PRKAR1B: variants seen among roughly 807,000 people sequenced by gnomAD.
PRKAR1B encodes protein kinase cAMP-dependent type I regulatory subunit beta, also known as cAMP-dependent protein kinase type I-beta regulatory subunit.
PRKAR1B carries 22 observed loss-of-function variants against 46.5 expected under a neutral mutation model. The ratio of observed to expected loss-of-function variants is 0.47; its 90% CI spans 0.34 to 0.68. The LOEUF is 0.68. PRKAR1B is among the 30% of genes least tolerant of loss of function. PRKAR1B has a pLI of 0.01. For missense variants in PRKAR1B, 445 were observed against 535.6 expected, an observed-to-expected ratio of 0.83 and a Z score of 1.67; for synonymous variants, 259 against 217.7, an observed-to-expected ratio of 1.19 and a Z score of -1.67.
intron 1 of PRKAR1B, among the ~76,000 whole-genome samples, chr7:726,081 CCAGTTTCTGCATGCAG>C (rs1781256657): frequency 1.3e-5 from 2 of 150,458 alleles, no homozygotes; most frequent in Non-Finnish European, 2.9e-5. Context: ...CTGCATGCAG[CCAGTTTCTGCATGCAG>C]CCAGTTTCTG....
chr7:623,473 T>C (rs566382641), intron 4 of PRKAR1B, among the ~76,000 whole-genome samples: 45 of 152,248 alleles, frequency 3.0e-4, no homozygotes, highest in Non-Finnish European at 5.3e-4. Context: ...ATAATCAATA[T>C]GTGATCATCT....
chr7:698,692 A>G (rs1301638001), intron 2 of PRKAR1B, among the ~76,000 whole-genome samples: 1 of 152,042 alleles, frequency 6.6e-6, no homozygotes, highest in African/African-American at 2.4e-5. Flanking sequence ...GAGTATGTCC[A>G]GGTGTGCGCA....
chr7:561,004 C>G (rs1018202522), intron 9 of PRKAR1B, among the ~76,000 whole-genome samples: 2 of 152,040 alleles, frequency 1.3e-5, no homozygotes, highest in Non-Finnish European at 2.9e-5. Context: ...AAGCAGAATC[C>G]TATACATACA....
At chr7:605,514 T>A (rs1482653576) in intron 6 of PRKAR1B, among the ~76,000 whole-genome samples, 1 of 152,212 alleles carries the variant, frequency 6.6e-6, no homozygotes, top group Non-Finnish European at 1.5e-5. Flanking sequence ...GCCGTGTGTA[T>A]GTGTTTATTT....
chr7:622,295 A>G (rs958675815), intron 4 of PRKAR1B, among the ~76,000 whole-genome samples: 6 of 152,356 alleles, frequency 3.9e-5, no homozygotes, highest in Non-Finnish European at 8.8e-5. Context: ...TCAGAAGAGC[A>G]GCGAGGTGAG....
In PRKAR1B at chr7:680,744, A is replaced by G; in HGVS notation, c.178-18T>C. ...TTTTCTTCCTGTGTGGGAGAGGAAA[A>G]CACAGAAAGGAAGTAAGAACCTGGC... On this transcript the variant is annotated intron_variant, in intron 2 of 10. Transcript: ENST00000537384. The G allele has an allele frequency of 1.2e-6, 2 of 1,612,512 alleles. No individual in the cohort carries two copies. Among genetic ancestry groups the G allele is most frequent in the Non-Finnish European group, 1.7e-6 (2 of 1,179,864 alleles).
chr7:624,812 G>A (rs1783298302), intron 4 of PRKAR1B, among the ~76,000 whole-genome samples: 1 of 152,066 alleles, frequency 6.6e-6, no homozygotes, highest in African/African-American at 2.4e-5. Flanking sequence ...AGATCCAGCA[G>A]GCAGAAAATC....
At chr7:678,880 G>A (rs923101026) in intron 3 of PRKAR1B, among the ~76,000 whole-genome samples, 4 of 152,216 alleles carry the variant, frequency 2.6e-5, no homozygotes, top group African/African-American at 9.7e-5. Context: ...GAGGTCAGAA[G>A]TTCAAGACCC....
chr7:719,285 C>T (rs78629570), intron 1 of PRKAR1B, among the ~76,000 whole-genome samples: 1 of 151,986 alleles, frequency 6.6e-6, no homozygotes, highest in African/African-American at 2.4e-5. Context: ...AGTGATCCAC[C>T]CGCCTTAGCC....
At chr7:612,597 T>C (rs1373851589) in intron 4 of PRKAR1B, among the ~76,000 whole-genome samples, 1 of 151,926 alleles carries the variant, frequency 6.6e-6, no homozygotes, top group Non-Finnish European at 1.5e-5. Flanking sequence ...TGGGTGGCTA[T>C]TAGAGGAGAG....
At chr7:675,103 C>T (rs776572131) in intron 4 of PRKAR1B, among the ~76,000 whole-genome samples, 15 of 152,216 alleles carry the variant, frequency 9.9e-5, no homozygotes, top group Non-Finnish European at 1.8e-4. Flanking sequence ...TCACTACTCA[C>T]GGAAACATCG....
chr7:663,478 C>G (rs191612914), intron 4 of PRKAR1B, among the ~76,000 whole-genome samples: 200 of 152,304 alleles, frequency 1.3e-3, no homozygotes, highest in Non-Finnish European at 2.2e-3. Flanking sequence ...CTCAAGCAAT[C>G]CCCCTGCCTC....
chr7:628,791 T>C (rs1363398480), intron 4 of PRKAR1B, among the ~76,000 whole-genome samples: 1 of 151,024 alleles, frequency 6.6e-6, no homozygotes, highest in Non-Finnish European at 1.5e-5. Context: ...CCCTCGCCTT[T>C]TCCAAGAAAC....
intron 4 of PRKAR1B, among the ~76,000 whole-genome samples, chr7:619,653 C>A (rs905028899): frequency 2.0e-5 from 3 of 152,258 alleles, no homozygotes; most frequent in African/African-American, 7.2e-5. Flanking sequence ...CTCCTCTCAG[C>A]TCTCGGCCCC....
chr7:616,432 A>G (rs1407309681), intron 4 of PRKAR1B, among the ~76,000 whole-genome samples: 1 of 152,164 alleles, frequency 6.6e-6, no homozygotes, highest in Non-Finnish European at 1.5e-5. Context: ...GTCCTCACTG[A>G]TCCGGGGGAC....
intron 3 of PRKAR1B, 31 bp from the exon 4 acceptor site, chr7:677,351 G>C: frequency 6.3e-7 from 1 of 1,596,922 alleles, no homozygotes; most frequent in Non-Finnish European, 8.6e-7. Context: ...CACCGTGTGA[G>C]CCACCCTGGC....
chr7:606,970 ATAT>A (rs764886196), intron 5 of PRKAR1B, among the ~76,000 whole-genome samples: 9 of 152,266 alleles, frequency 5.9e-5, no homozygotes, highest in African/African-American at 1.7e-4. Flanking sequence ...ACATATATGC[ATAT>A]TATATGTGTG....
intron 9 of PRKAR1B, among the ~76,000 whole-genome samples, chr7:564,039 C>T (rs1778984932): frequency 6.6e-6 from 1 of 152,114 alleles, no homozygotes; most frequent in South Asian, 2.1e-4. Context: ...CCCCCCTCTG[C>T]CCGCTCCCCA....
At chr7:718,283 CACACACACACACAT>C (rs1222898836) in intron 1 of PRKAR1B, among the ~76,000 whole-genome samples, 10 of 147,208 alleles carry the variant, frequency 6.8e-5, no homozygotes, top group African/African-American at 2.6e-4. Flanking sequence ...CACACACACA[CACACACACACACAT>C]ACACATATAT....
Sources: allele counts gnomAD v4.1 joint callset (sites outside exome capture counted in the v4.1 genomes callset), GRCh38; gene constraint gnomAD v4.1.1; transcripts MANE v1.5; gene names NCBI Gene and HGNC (gene_info 2026-07-23, HGNC 2026-07-21).